The following LEPROTL1 variants were observed in gnomAD, a reference collection of about 807,000 sequenced individuals.
LEPROTL1 encodes the protein leptin receptor overlapping transcript like 1.
A neutral mutation model predicts 15.4 loss-of-function variants in LEPROTL1; 6 were observed. The ratio of observed to expected loss-of-function variants is 0.39; its 90% CI spans 0.21 to 0.77. The LOEUF is 0.77. Ranked by LOEUF, LEPROTL1 falls within the 30% of genes least tolerant of loss-of-function variation. LEPROTL1 has a pLI of 0.41. For missense variants in LEPROTL1, 128 were observed against 158.1 expected, an observed-to-expected ratio of 0.81 and a Z score of 1.02; for synonymous variants, 56 against 52.6, an observed-to-expected ratio of 1.06 and a Z score of -0.28.
intron 1 of LEPROTL1, among the ~76,000 whole-genome samples, chr8:30,099,625 A>C (rs974989879): frequency 0.022 from 3,069 of 142,034 alleles, 139 homozygotes; most frequent in African/African-American, 0.077. Flanking sequence ...AAAAAAAAAA[A>C]CCAGCAAAAA....
downstream of LEPROTL1, among the ~76,000 whole-genome samples, chr8:30,110,811 G>A (rs1052099882): frequency 2.0e-5 from 3 of 152,094 alleles, no homozygotes; most frequent in Non-Finnish European, 2.9e-5. Flanking sequence ...ATAGAAACCA[G>A]CCAATAGAAT....
intron 3 of LEPROTL1, chr8:30,117,436 T>C (rs917442472): frequency 1.6e-4 from 246 of 1,535,532 alleles, no homozygotes; most frequent in Middle Eastern, 2.3e-4. Context: ...TCTTGCTTCT[T>C]CATGGTCCAT....
In LEPROTL1 at chr8:30,106,259, TTTCTC is replaced by T. The variant is rs1482983722; in HGVS notation, c.*400_*404del. 1.0e-6 allele frequency: 1 copy of T among 986,308 alleles called. No homozygotes were observed. Among genetic ancestry groups the T allele is most frequent in the African/African-American group, 1.7e-5 (1 of 57,262 alleles). 61.1% of individuals were successfully genotyped at this position (986,308 alleles called of 1,614,324 possible). Reference sequence around the variant, plus strand: ...GCTCTATTACTGGTCAAGTACATCTTTTCTCTTAAAATTATTTAGCCTCCATTATT... The same window carrying T: ...GCTCTATTACTGGTCAAGTACATCTTTTAAAATTATTTAGCCTCCATTATT... On this transcript the variant is annotated 3_prime_UTR_variant, in exon 4 of 4. Coordinates refer to ENST00000321250, the MANE Select transcript of LEPROTL1 (RefSeq NM_015344.3).
chr8:30,133,913 G>A (rs1803083604), intron 4 of LEPROTL1, among the ~76,000 whole-genome samples: 1 of 152,048 alleles, frequency 6.6e-6, no homozygotes, highest in African/African-American at 2.4e-5. Flanking sequence ...CTCAATGCTT[G>A]TATGTCTGAT....
At chr8:30,133,788 CAA>C (rs11430475) in intron 4 of LEPROTL1, among the ~76,000 whole-genome samples, 5 of 123,040 alleles carry the variant, frequency 4.1e-5, no homozygotes, top group Admixed American at 8.6e-5. Flanking sequence ...GACCCTGTCT[CAA>C]AAAAAAAAAA....
intron 4 of LEPROTL1, chr8:30,133,006 CT>C (rs1803060866): frequency 8.3e-7 from 1 of 1,199,340 alleles, no homozygotes; most frequent in South Asian, 1.7e-5. Flanking sequence ...ATAGATAGGT[CT>C]GTACAGCTAA....
intron 4 of LEPROTL1, among the ~76,000 whole-genome samples, chr8:30,136,053 G>A (rs191642755): frequency 4.1e-4 from 63 of 152,170 alleles, no homozygotes; most frequent in Admixed American, 2.3e-3. Context: ...AACTGACCCC[G>A]TCACTTGACT....
At chr8:30,116,646 C>T (rs1404920177) in intron 3 of LEPROTL1, among the ~76,000 whole-genome samples, 11 of 145,844 alleles carry the variant, frequency 7.5e-5, no homozygotes, top group East Asian at 2.2e-4. Flanking sequence ...TTGTGGGGCT[C>T]GGGGGTTGGG....
intron 2 of LEPROTL1, among the ~76,000 whole-genome samples, chr8:30,103,708 C>CT (rs1802508987): frequency 6.7e-6 from 1 of 150,350 alleles, no homozygotes; most frequent in African/African-American, 2.5e-5. Context: ...TGCCACTGCA[C>CT]TCCAGCCTGG....
At chr8:30,117,766 T>A in intron 3 of LEPROTL1, 2 of 862,926 alleles carry the variant, frequency 2.3e-6, no homozygotes, top group South Asian at 1.3e-5. Context: ...AGCCAGGACA[T>A]TCATGCGCAC....
intron 3 of LEPROTL1, chr8:30,131,972 A>G (rs143824324): frequency 5.6e-5 from 87 of 1,549,658 alleles, no homozygotes; most frequent in Non-Finnish European, 6.0e-5. Context: ...CTCTTCGCCA[A>G]TAGCAAAAGC....
intron 1 of LEPROTL1, among the ~76,000 whole-genome samples, chr8:30,099,219 C>T (rs1368010959): frequency 7.2e-5 from 11 of 152,076 alleles, no homozygotes; most frequent in Admixed American, 4.6e-4. Flanking sequence ...ATCTGACACA[C>T]GTTAGGTGCT....
At chr8:30,131,420 G>C (rs2117530207) in intron 3 of LEPROTL1, among the ~76,000 whole-genome samples, 1 of 151,690 alleles carries the variant, frequency 6.6e-6, no homozygotes, top group African/African-American at 2.4e-5. Flanking sequence ...ATTGCAAAGT[G>C]CTGGGATTAC....
intron 3 of LEPROTL1, among the ~76,000 whole-genome samples, chr8:30,123,954 T>G (rs950432539): frequency 1.3e-5 from 2 of 151,302 alleles, no homozygotes; most frequent in African/African-American, 4.9e-5. Flanking sequence ...GGACAAGCAA[T>G]TTCAAAGGCT....
chr8:30,130,816 G>A (rs1256376541), intron 3 of LEPROTL1, among the ~76,000 whole-genome samples: 1 of 126,608 alleles, frequency 7.9e-6, no homozygotes, highest in Non-Finnish European at 1.6e-5. Context: ...ATCTTGCTCT[G>A]TCGCCCAGGC....
Position 30,104,387 on chromosome 8 carries a change from T to C in LEPROTL1, c.180T>C (p.Asp60=). 1.2e-6 allele frequency: 2 copies of C among 1,612,820 alleles called. No homozygotes were observed. The highest frequency in any genetic ancestry group is 1.7e-6 in the Non-Finnish European group (2 of 1,179,220). The change falls in exon 3 of 4, where the codon GAT becomes GAC. Residue 60 remains aspartate, a synonymous_variant. Transcript: ENST00000321250. Reference sequence around the variant, plus strand: ...CAAGAAGATTAGTGGATGATACAGATGCTATGAGTAACGCTTGTAAGGAAC... The same window carrying C: ...CAAGAAGATTAGTGGATGATACAGACGCTATGAGTAACGCTTGTAAGGAAC... ...CIARRLVDDT[D]AMSNACKELA...
chr8:30,117,290 C>T (rs956473934), intron 3 of LEPROTL1: 9 of 665,324 alleles, frequency 1.4e-5, no homozygotes, highest in Non-Finnish European at 2.3e-5. Context: ...GAGTTTCAGA[C>T]CAGCCTGGAC....
intron 3 of LEPROTL1, among the ~76,000 whole-genome samples, chr8:30,119,566 A>G (rs1260304921): frequency 6.6e-6 from 1 of 152,156 alleles, no homozygotes; most frequent in African/African-American, 2.4e-5. Flanking sequence ...GAGGGATGCC[A>G]GTCATATTGG....
At chr8:30,095,794 C>T (rs1427941934) in intron 1 of LEPROTL1, 1 of 700,946 alleles carries the variant, frequency 1.4e-6, no homozygotes, top group Non-Finnish European at 2.6e-6. Flanking sequence ...CATCGCCCCC[C>T]GGACAAAATA....
Sources: allele counts gnomAD v4.1 joint callset (sites outside exome capture counted in the v4.1 genomes callset), GRCh38; gene constraint gnomAD v4.1.1; transcripts MANE v1.5; gene names NCBI Gene and HGNC (gene_info 2026-07-23, HGNC 2026-07-21).